The following DMD variants were observed in gnomAD, a reference collection of about 807,000 sequenced individuals.
The protein encoded by DMD is dystrophin.
DMD carries 63 observed loss-of-function variants against 330.1 expected under a neutral mutation model. The ratio of observed to expected loss-of-function variants is 0.19; its 90% CI spans 0.16 to 0.24. The LOEUF (loss-of-function observed/expected upper bound fraction) is 0.24. DMD is among the 10% of genes least tolerant of loss of function. The pLI is 1.00. For synonymous variants in DMD, 1,223 were observed against 959.8 expected (o/e 1.27, Z -5.07); for missense variants, 3,344 against 2,684.1 (o/e 1.25, Z -5.43).
chrX:31,522,361 C>CTATATA (rs1454794019), intron 55 of DMD, among the ~76,000 whole-genome samples: 42 of 50,212 alleles, frequency 8.4e-4, no homozygotes, highest in African/African-American at 3.6e-3. Flanking sequence ...CTCTCTCTCT[C>CTATATA]TCTATATATA....
At chrX:32,382,714 T>G (rs2097933264) in intron 33 of DMD, among the ~76,000 whole-genome samples, 1 of 109,652 alleles carries the variant, frequency 9.1e-6, no homozygotes, top group Non-Finnish European at 1.9e-5. Flanking sequence ...TACTTTATGG[T>G]GTGTTTCTAT....
intron 61 of DMD, 130 bp from the exon 62 acceptor site, chrX:31,323,788 C>T: frequency 1.7e-6 from 1 of 604,201 alleles, no homozygotes; most frequent in Non-Finnish European, 2.7e-6. Flanking sequence ...CCCATGAAGA[C>T]AGGATGGATT....
chrX:31,903,761 T>A (rs1483922878), intron 47 of DMD, among the ~76,000 whole-genome samples: 1 of 112,050 alleles, frequency 8.9e-6, no homozygotes, highest in Non-Finnish European at 1.9e-5. Context: ...AAAAGCTTTT[T>A]AATAGAGGCA....
At chrX:31,759,722 G>A (rs1456329244) in intron 51 of DMD, among the ~76,000 whole-genome samples, 1 of 111,396 alleles carries the variant, frequency 9.0e-6, no homozygotes, top group South Asian at 3.8e-4. Flanking sequence ...AAATGATTTC[G>A]TAGAATGCTG....
At chrX:32,908,906 G>A (rs1437562425) in intron 2 of DMD, among the ~76,000 whole-genome samples, 1 of 110,993 alleles carries the variant, frequency 9.0e-6, no homozygotes, top group South Asian at 3.8e-4. Context: ...TATGTGAACT[G>A]ACTACAAAAG....
intron 51 of DMD, among the ~76,000 whole-genome samples, chrX:31,744,259 T>C (rs1315969679): frequency 9.0e-6 from 1 of 110,533 alleles, no homozygotes; most frequent in Non-Finnish European, 1.9e-5. Flanking sequence ...TCATAACAAA[T>C]ATAATAATAA....
At chrX:32,885,366 G>A (rs73464880) in intron 2 of DMD, among the ~76,000 whole-genome samples, 1,954 of 111,453 alleles carry the variant, frequency 0.018, 48 homozygotes, top group African/African-American at 0.061. Flanking sequence ...GTAAGTTTAT[G>A]ACTTTGCATC....
At chrX:31,374,753 C>A (rs1439934389) in intron 60 of DMD, among the ~76,000 whole-genome samples, 1 of 107,155 alleles carries the variant, frequency 9.3e-6, no homozygotes, top group African/African-American at 3.4e-5. Context: ...AGCACACCAG[C>A]ATGGCACATG....
intron 50 of DMD, among the ~76,000 whole-genome samples, chrX:31,798,855 T>C (rs1178168407): frequency 1.8e-5 from 2 of 112,342 alleles, no homozygotes; most frequent in African/African-American, 6.5e-5. Flanking sequence ...AACTAGCCCT[T>C]AGCTCATTAT....
In DMD at chrX:32,282,734, T is replaced by C. The variant is rs182107449; in HGVS notation, c.6290+4795A>G. 2.6e-3 allele frequency among the ~76,000 whole-genome samples: 291 copies of C among 112,267 alleles called. 2 individuals are homozygous for C. Among genetic ancestry groups the C allele is most frequent in the African/African-American group, 8.9e-3 (275 of 30,960 alleles). On this transcript the variant is annotated intron_variant, in intron 43 of 78. Coordinates refer to ENST00000357033, the MANE Select transcript of DMD (RefSeq NM_004006.3). ...CCTTATGACATTTAATAGAGATGAC[T>C]GAACGAGAAATACGCAGATGTACTA...
chrX:31,281,542 A>C lies in DMD; in HGVS notation c.9225-20526T>G, dbSNP rs780223092. Among the ~76,000 whole-genome samples, 4 of 105,974 alleles carry C rather than the reference A, an allele frequency of 3.8e-5. No individual in the cohort carries two copies. The South Asian group carries it at 1.5e-3, about 41-fold the overall frequency. The allele number at this position is 105,974 out of a possible 115,157, so 92.0% of individuals were successfully genotyped here. On this transcript the variant is annotated intron_variant, in intron 62 of 78. Transcript: ENST00000357033. ...AAACTTATTGGTTTGTAAATTTTAA[A>C]ATTCATCTCTTTACTTTTTAAACGT...
At chrX:31,260,577 G>T (rs1229628425) in intron 63 of DMD, among the ~76,000 whole-genome samples, 2 of 111,111 alleles carry the variant, frequency 1.8e-5, no homozygotes, top group African/African-American at 6.6e-5. Context: ...TTGGCAAAAG[G>T]GTTGTCTTGG....
chrX:32,544,524 T>G (rs1020499283), intron 17 of DMD, among the ~76,000 whole-genome samples: 2 of 112,050 alleles, frequency 1.8e-5, no homozygotes, highest in Non-Finnish European at 3.8e-5. Flanking sequence ...AAAATTTTAT[T>G]GCCATCATTT....
At chrX:31,514,591 A>T (rs1172469395) in intron 55 of DMD, among the ~76,000 whole-genome samples, 1 of 112,435 alleles carries the variant, frequency 8.9e-6, no homozygotes, top group Non-Finnish European at 1.9e-5. Flanking sequence ...ATGAAATAAT[A>T]ATACATACCT....
intron 1 of DMD, among the ~76,000 whole-genome samples, chrX:33,105,553 C>G (rs929079316): frequency 8.9e-6 from 1 of 111,882 alleles, no homozygotes; most frequent in African/African-American, 3.2e-5. Context: ...TATCTACAAC[C>G]TACAAAGAAC....
chrX:33,122,572 A>G lies in DMD; in HGVS notation c.31+88710T>C, dbSNP rs748676897. The stretch of plus-strand genomic sequence containing the variant: ...CTTCAGCACTCCTTAGTCACTTTTC[A>G]TTATGCAGACAAAATCTGACTCTTA... On this transcript the variant is annotated intron_variant, in intron 1 of 78. Coordinates refer to ENST00000357033, the MANE Select transcript of DMD (RefSeq NM_004006.3). Among the ~76,000 whole-genome samples the G allele has an allele frequency of 1.1e-4, 12 of 112,327 alleles. No homozygotes were observed. In the East Asian group the frequency reaches 3.4e-3, roughly 32 times the overall value.
intron 67 of DMD, among the ~76,000 whole-genome samples, chrX:31,195,069 G>A (rs1172723729): frequency 1.8e-5 from 2 of 112,025 alleles, no homozygotes; most frequent in African/African-American, 6.5e-5. Context: ...ACAAGAAGAA[G>A]TAAAAGGCTT....
At chrX:33,334,665 A>C (rs2054226063) in intron 1 of DMD, among the ~76,000 whole-genome samples, 1 of 111,562 alleles carries the variant, frequency 9.0e-6, no homozygotes, top group Non-Finnish European at 1.9e-5. Flanking sequence ...CGTGAAAACC[A>C]TTTTAAATGA....
chrX:31,653,402 G>A (rs1237396818), intron 54 of DMD, among the ~76,000 whole-genome samples: 2 of 111,114 alleles, frequency 1.8e-5, no homozygotes, highest in East Asian at 5.7e-4. Flanking sequence ...TGTACATGCT[G>A]AATCTTTCTT....
Sources: gnomAD v4.1 joint callset for allele counts (sites outside exome capture counted in the v4.1 genomes callset) on GRCh38, gnomAD v4.1.1 for gene constraint, MANE v1.5 for transcripts, NCBI Gene and HGNC (gene_info 2026-07-23, HGNC 2026-07-21) for gene names.